WAPL: variants seen among roughly 807,000 people sequenced by gnomAD.
WAPL encodes wings apart-like protein homolog.
In WAPL, 5 loss-of-function variants were observed where a neutral mutation model predicts 121.0. The observed-to-expected ratio is 0.04, with a 90% CI of 0.02 to 0.09. WAPL has a LOEUF of 0.09. WAPL is among the 10% of genes least tolerant of loss of function. WAPL has a pLI of 1.00. For missense variants in WAPL, 999 were observed against 1,410.8 expected (o/e 0.71, Z 4.68); for synonymous variants, 480 against 481.5 (o/e 1.00, Z 0.04).
At chr10:86,463,942 G>A (rs1477730940) in intron 9 of WAPL, among the ~76,000 whole-genome samples, 1 of 152,160 alleles carries the variant, frequency 6.6e-6, no homozygotes, top group Non-Finnish European at 1.5e-5. Flanking sequence ...GTCTAGATGT[G>A]TGGCAGGTTA....
chr10:86,437,768 T>C, intron 18 of WAPL, 152 bp downstream of exon 18: 1 of 941,534 alleles, frequency 1.1e-6, no homozygotes, highest in Non-Finnish European at 1.6e-6. Flanking sequence ...TGCCATAACA[T>C]GCAATGATTA....
rs565318564 is a variant in WAPL at position 86,454,172 on chromosome 10, T to C, written c.2658-341A>G. 2.0e-5 allele frequency among the ~76,000 whole-genome samples: 3 copies of C among 152,352 alleles called. No homozygotes were observed. In the East Asian group the frequency reaches 5.8e-4, roughly 29 times the overall value. ...CTTCTGAGGTAGTAAATGTTATTAC[T>C]ACATAACAAATGTTAATGTAAAGAC... On this transcript the variant is annotated intron_variant, in intron 12 of 18. Transcript: ENST00000298767.
intron 2 of WAPL, among the ~76,000 whole-genome samples, chr10:86,516,803 C>T (rs1027600072): frequency 1.3e-5 from 2 of 151,970 alleles, no homozygotes; most frequent in Non-Finnish European, 2.9e-5. Flanking sequence ...TCTATCAACA[C>T]AGCCGGGCAC....
At chr10:86,483,828 T>C (rs1390708972) in intron 4 of WAPL, among the ~76,000 whole-genome samples, 3 of 132,866 alleles carry the variant, frequency 2.3e-5, no homozygotes, top group Admixed American at 8.1e-5. Context: ...GCAGTCTCAC[T>C]CTGTTGCCCA....
chr10:86,505,478 G>C (rs564013836), intron 2 of WAPL, among the ~76,000 whole-genome samples: 81 of 146,088 alleles, frequency 5.5e-4, no homozygotes, highest in African/African-American at 1.6e-3. Flanking sequence ...GCAGAGACGG[G>C]GTTTCACCAT....
intron 1 of WAPL, among the ~76,000 whole-genome samples, chr10:86,518,858 A>T (rs1842612139): frequency 6.6e-6 from 1 of 152,182 alleles, no homozygotes. Context: ...CCCAATCTTG[A>T]AGATTCTGCT....
chr10:86,465,119 A>C (rs1841368681), intron 9 of WAPL, among the ~76,000 whole-genome samples: 1 of 152,160 alleles, frequency 6.6e-6, no homozygotes, highest in Admixed American at 6.5e-5. Context: ...GCATCCTATA[A>C]ATTTTTGTGG....
chr10:86,499,935 T>C lies in WAPL; in HGVS notation c.1308A>G (p.Thr436=). The change falls in exon 3 of 19, where the codon ACA becomes ACG. Residue 436 remains threonine (T), a synonymous_variant. Transcript: ENST00000298767. ...LEFFGFEDHE[T]GGDEGGSGSS... The stretch of plus-strand genomic sequence containing the variant: ...TTCCAGAACCTCCTTCATCACCTCC[T>C]GTCTCATGATCTTCAAAACCAAAAA... 4 of 1,614,164 alleles carry C rather than the reference T, an allele frequency of 2.5e-6. No homozygotes were observed. Among genetic ancestry groups the C allele is most frequent in the Non-Finnish European group, 3.4e-6 (4 of 1,180,008 alleles).
At chr10:86,455,949 T>C (rs1273634677) in intron 12 of WAPL, among the ~76,000 whole-genome samples, 2 of 152,202 alleles carry the variant, frequency 1.3e-5, no homozygotes, top group Non-Finnish European at 2.9e-5. Flanking sequence ...GAAATGACTC[T>C]TTATCAGAAC....
intron 4 of WAPL, among the ~76,000 whole-genome samples, chr10:86,490,046 T>G (rs1475406411): frequency 6.6e-6 from 1 of 151,956 alleles, no homozygotes; most frequent in Non-Finnish European, 1.5e-5. Flanking sequence ...AAACCCCATA[T>G]CTACTAGAAA....
intron 4 of WAPL, 126 bp downstream of exon 4, chr10:86,497,075 G>A (rs942196540): frequency 2.8e-5 from 21 of 757,994 alleles, no homozygotes; most frequent in East Asian, 1.4e-4. Context: ...CTGAAAAAAC[G>A]ACTTACACAT....
chr10:86,438,253 C>CTT (rs11402864), intron 17 of WAPL, among the ~76,000 whole-genome samples: 1,933 of 138,532 alleles, frequency 0.014, 42 homozygotes, highest in African/African-American at 0.045. Context: ...TACACATTTA[C>CTT]TTTTTTTTTT....
intron 16 of WAPL, among the ~76,000 whole-genome samples, chr10:86,445,141 G>A (rs1465156733): frequency 6.6e-6 from 1 of 152,118 alleles, no homozygotes; most frequent in Non-Finnish European, 1.5e-5. Flanking sequence ...ACCAAAACTG[G>A]AGGAGGCTCA....
chr10:86,478,049 C>G (rs1220949711), intron 4 of WAPL, among the ~76,000 whole-genome samples: 12 of 148,208 alleles, frequency 8.1e-5, no homozygotes, highest in Non-Finnish European at 3.0e-5. Context: ...AAGCGAAACT[C>G]TGTCTCGGAA....
chr10:86,448,645 A>T (rs1840895738), intron 15 of WAPL, among the ~76,000 whole-genome samples: 1 of 152,124 alleles, frequency 6.6e-6, no homozygotes, highest in Non-Finnish European at 1.5e-5. Flanking sequence ...ACAGGGTCTT[A>T]TTCCCATTGC....
intron 7 of WAPL, among the ~76,000 whole-genome samples, chr10:86,471,833 C>G (rs1250937575): frequency 6.6e-6 from 1 of 152,118 alleles, no homozygotes; most frequent in Non-Finnish European, 1.5e-5. Context: ...TGGGGTCTCA[C>G]TATGTTGCCC....
intron 1 of WAPL, among the ~76,000 whole-genome samples, chr10:86,520,805 T>C (rs1842660656): frequency 6.9e-6 from 1 of 144,020 alleles, no homozygotes; most frequent in Non-Finnish European, 1.5e-5. Context: ...AAAGCCTTTA[T>C]ACTTCACTCC....
rs1842422900 is a variant in WAPL, at chr10:86,509,833, C to T, written c.499+7738G>A. ...AGGCTGGAGTGCAATGGCATGGTCTCAGCTCACTGCAACCTCCACCTCCCG... is the reference window on the plus strand; with the variant it reads ...AGGCTGGAGTGCAATGGCATGGTCTTAGCTCACTGCAACCTCCACCTCCCG... On this transcript the variant is annotated intron_variant, in intron 2 of 18. Coordinates refer to ENST00000298767, the MANE Select transcript of WAPL (RefSeq NM_015045.5). 4.2e-5 allele frequency among the ~76,000 whole-genome samples: 6 copies of T among 143,532 alleles called. No individual in the cohort carries two copies. In the South Asian group the frequency reaches 1.4e-3, roughly 32 times the overall value. 94.2% of individuals were successfully genotyped at this position (143,532 alleles called of 152,430 possible).
In WAPL at chr10:86,462,603, C is replaced by T. The variant is rs533914672; in HGVS notation, c.2371-1316G>A. 7.9e-5 allele frequency among the ~76,000 whole-genome samples: 12 copies of T among 151,570 alleles called. No individual in the cohort carries two copies. The South Asian group carries it at 1.7e-3, about 21-fold the overall frequency. On this transcript the variant is annotated intron_variant, in intron 9 of 18. Coordinates refer to ENST00000298767, the MANE Select transcript of WAPL (RefSeq NM_015045.5). ...GGCGTGGTGGTGGGTGCCTGTAATT[C>T]CAGCTACTCGGGAGGCTGAGGCAGG...
Sources: gnomAD v4.1 joint callset for allele counts (sites outside exome capture counted in the v4.1 genomes callset) on GRCh38, gnomAD v4.1.1 for gene constraint, MANE v1.5 for transcripts, NCBI Gene and HGNC (gene_info 2026-07-23, HGNC 2026-07-21) for gene names.